Variants in FBXL2 observed in about 807,000 individuals in gnomAD.
The protein encoded by FBXL2 is F-box/LRR-repeat protein 2.
In FBXL2, 38 loss-of-function variants were observed where a neutral mutation model predicts 69.2. The observed-to-expected ratio is 0.55, with a 90% CI of 0.42 to 0.72. The LOEUF (loss-of-function observed/expected upper bound fraction) is 0.72. Ranked by LOEUF, FBXL2 falls within the 30% of genes least tolerant of loss-of-function variation. The probability of loss-of-function intolerance (pLI) is 0.00; values close to 1 mark genes in which losing one functional copy is unlikely to be tolerated. For synonymous variants in FBXL2, 192 were observed against 201.3 expected (o/e 0.95, Z 0.39); for missense variants, 354 against 520.3 (o/e 0.68, Z 3.11).
At chr3:33,319,519 T>C (rs916254638) in intron 2 of FBXL2, among the ~76,000 whole-genome samples, 1 of 152,192 alleles carries the variant, frequency 6.6e-6, no homozygotes, top group Non-Finnish European at 1.5e-5. Flanking sequence ...AATTATTGAA[T>C]TCTTACATAT....
chr3:33,406,812 G>C (rs766328128), downstream of FBXL2, among the ~76,000 whole-genome samples: 3 of 152,172 alleles, frequency 2.0e-5, no homozygotes, highest in Non-Finnish European at 4.4e-5. Context: ...TTAGGCTGTA[G>C]AAATTGGCAG....
At chr3:33,362,028 C>CT (rs1264900939) in intron 4 of FBXL2, among the ~76,000 whole-genome samples, 19 of 152,294 alleles carry the variant, frequency 1.2e-4, no homozygotes, top group African/African-American at 4.3e-4. Context: ...ATTAAAGAAA[C>CT]TGAGGCAAAG....
intron 5 of FBXL2, among the ~76,000 whole-genome samples, chr3:33,368,637 C>A (rs996554539): frequency 2.0e-5 from 3 of 152,020 alleles, no homozygotes; most frequent in Non-Finnish European, 4.4e-5. Context: ...CTCTGTCGCC[C>A]AGGCTGGAGT....
At chr3:33,378,027 A>C (rs976670234) in intron 11 of FBXL2, 76 bp from the exon 12 acceptor site, 1 of 1,405,954 alleles carries the variant, frequency 7.1e-7, no homozygotes, top group Non-Finnish European at 1.0e-6. Context: ...GCCAATACTC[A>C]GAGGGATAGG....
chr3:33,402,264 C>G (rs1166998004), intron 12 of FBXL2, among the ~76,000 whole-genome samples: 2 of 152,224 alleles, frequency 1.3e-5, no homozygotes, highest in East Asian at 3.8e-4. Context: ...TTACTCTAGA[C>G]TCTTGCCAGT....
intron 6 of FBXL2, 24 bp from the exon 7 acceptor site, chr3:33,373,236 T>G (rs1241325340): frequency 1.9e-6 from 3 of 1,613,296 alleles, no homozygotes; most frequent in Non-Finnish European, 1.7e-6. Flanking sequence ...TGAAAATATC[T>G]TTAGTGCGTC....
chr3:33,382,619 T>A (rs1339575601), intron 13 of FBXL2: 1 of 152,230 alleles, frequency 6.6e-6, no homozygotes, highest in Non-Finnish European at 1.5e-5. Flanking sequence ...GAGTACTGCT[T>A]CTAGTTTGGG....
At chr3:33,360,402 A>C (rs968985356) in intron 4 of FBXL2, among the ~76,000 whole-genome samples, 2 of 152,112 alleles carry the variant, frequency 1.3e-5, no homozygotes, top group African/African-American at 2.4e-5. Context: ...TCTCATCTTA[A>C]ACCAGTGGAG....
In FBXL2 at chr3:33,324,751, TG is replaced by T. The variant is rs548507621; in HGVS notation, c.65+27027del. On this transcript the variant is annotated intron_variant, in intron 2 of 14. Coordinates refer to ENST00000484457, the MANE Select transcript of FBXL2 (RefSeq NM_012157.5). ...TCGGGTAGTGTGATGCCTCCAGCTT[TG>T]TTCTTGTTGCTTAGGAGTGTCTTGG... 4.2e-3 allele frequency among the ~76,000 whole-genome samples: 633 copies of T among 152,312 alleles called. 1 individual carries two copies. The highest frequency in any genetic ancestry group is 0.01 in the Middle Eastern group (3 of 294).
Position 33,350,360 on chromosome 3 carries a change from T to C in FBXL2, c.66-8607T>C, listed in dbSNP as rs541740934. Among the ~76,000 whole-genome samples, 6 of 151,806 alleles carry C rather than the reference T, an allele frequency of 4.0e-5. No homozygotes were observed. In the South Asian group the frequency reaches 6.2e-4, roughly 16 times the overall value. ...CACCCACTCGTGATAAAAATACTTATCAGACTAGGAATAGAGAGGAACTTC... is the reference window on the plus strand; with the variant it reads ...CACCCACTCGTGATAAAAATACTTACCAGACTAGGAATAGAGAGGAACTTC... On this transcript the variant is annotated intron_variant, in intron 2 of 14. Coordinates refer to ENST00000484457, the MANE Select transcript of FBXL2 (RefSeq NM_012157.5).
intron 1 of FBXL2, among the ~76,000 whole-genome samples, chr3:33,297,126 A>G (rs570557529): frequency 2.6e-5 from 4 of 152,174 alleles, no homozygotes; most frequent in South Asian, 2.1e-4. Context: ...TGTTAAGTTT[A>G]TCTCAGAGTA....
chr3:33,281,751 A>T (rs2034035957), intron 1 of FBXL2, among the ~76,000 whole-genome samples: 1 of 151,860 alleles, frequency 6.6e-6, no homozygotes, highest in African/African-American at 2.4e-5. Context: ...CTGGTGTGAG[A>T]TGGTATCTCA....
intron 2 of FBXL2, among the ~76,000 whole-genome samples, chr3:33,301,450 A>T (rs1021945830): frequency 6.6e-6 from 1 of 152,192 alleles, no homozygotes; most frequent in Non-Finnish European, 1.5e-5. Flanking sequence ...GGAACCATTA[A>T]CAAGCATAAT....
At chr3:33,411,600 C>T in the FBXL2 span, 20 of 1,614,072 alleles carry the variant, frequency 1.2e-5, no homozygotes, top group Non-Finnish European at 1.4e-5. Flanking sequence ...AGCAGAGGTG[C>T]GTTTTGCTGG....
intron 4 of FBXL2, among the ~76,000 whole-genome samples, chr3:33,363,024 G>A (rs1179304913): frequency 1.3e-5 from 2 of 152,050 alleles, no homozygotes; most frequent in Non-Finnish European, 1.5e-5. Context: ...GTAACAATAT[G>A]TATCCTGTGG....
chr3:33,400,422 C>CA, intron 12 of FBXL2: 1 of 574,732 alleles, frequency 1.7e-6, no homozygotes, highest in Non-Finnish European at 3.0e-6. Context: ...CCAAATGATG[C>CA]AGGCCCTTGT....
At chr3:33,357,798 G>A (rs1329167786) in intron 2 of FBXL2, among the ~76,000 whole-genome samples, 3 of 151,978 alleles carry the variant, frequency 2.0e-5, no homozygotes, top group Non-Finnish European at 4.4e-5. Flanking sequence ...CAAAGTGCTG[G>A]GATTACAGGC....
At chr3:33,384,731 C>G (rs923075456) in intron 14 of FBXL2, among the ~76,000 whole-genome samples, 4 of 151,934 alleles carry the variant, frequency 2.6e-5, no homozygotes, top group Non-Finnish European at 5.9e-5. Flanking sequence ...GTCTGGTGAT[C>G]GTAGCCCTTA....
intron 4 of FBXL2, among the ~76,000 whole-genome samples, chr3:33,360,317 A>G (rs1285202965): frequency 5.3e-5 from 8 of 152,202 alleles, no homozygotes; most frequent in Non-Finnish European, 1.2e-4. Context: ...GACCTAGACA[A>G]ACTAATGATC....
Sources: allele counts gnomAD v4.1 joint callset (sites outside exome capture counted in the v4.1 genomes callset), GRCh38; gene constraint gnomAD v4.1.1; transcripts MANE v1.5; gene names NCBI Gene and HGNC (gene_info 2026-07-23, HGNC 2026-07-21).